VPS13B: variants seen among roughly 807,000 people sequenced by gnomAD.
The protein encoded by VPS13B is intermembrane lipid transfer protein VPS13B.
In VPS13B, 285 loss-of-function variants were observed where a neutral mutation model predicts 426.4. The ratio of observed to expected loss-of-function variants is 0.67; its 90% CI spans 0.61 to 0.74. The LOEUF (loss-of-function observed/expected upper bound fraction) is 0.74. Among genes scored for constraint, VPS13B ranks in the 30% least tolerant of loss-of-function variants. The pLI, the probability that VPS13B is intolerant of heterozygous loss-of-function variation, is 0.00. For missense variants in VPS13B, 4,537 were observed against 4,782.6 expected, an observed-to-expected ratio of 0.95 and a Z score of 1.51; for synonymous variants, 1,676 against 1,676.4, an observed-to-expected ratio of 1.00 and a Z score of 0.01.
chr8:99,473,635 TC>T, intron 24 of VPS13B, among the ~76,000 whole-genome samples: 1 of 152,120 alleles, frequency 6.6e-6, no homozygotes, highest in East Asian at 1.9e-4. Flanking sequence ...TCAATTCTAT[TC>T]TGTATCATAC....
chr8:99,629,490 C>G (rs1361150303), intron 33 of VPS13B, among the ~76,000 whole-genome samples: 3 of 152,056 alleles, frequency 2.0e-5, no homozygotes, highest in Non-Finnish European at 4.4e-5. Flanking sequence ...GTGATAGAGA[C>G]AGCTTGTTCT....
intron 4 of VPS13B, among the ~76,000 whole-genome samples, chr8:99,097,564 G>T (rs1252363556): frequency 1.3e-5 from 2 of 152,112 alleles, no homozygotes; most frequent in East Asian, 3.9e-4. Flanking sequence ...TAAAAGGAGG[G>T]AGTTGTCATG....
chr8:99,580,855 A>G (rs1408461579), intron 33 of VPS13B, among the ~76,000 whole-genome samples: 4 of 151,962 alleles, frequency 2.6e-5, no homozygotes, highest in African/African-American at 9.7e-5. Flanking sequence ...CCCTGTCTCA[A>G]AAAAATAAAA....
chr8:99,558,300 T>A (rs1276446151), intron 31 of VPS13B, among the ~76,000 whole-genome samples: 1 of 152,162 alleles, frequency 6.6e-6, no homozygotes, highest in Non-Finnish European at 1.5e-5. Context: ...TTGTACTCCT[T>A]AGGTCTTTAT....
At chr8:99,559,719 A>T (rs551014112) in intron 31 of VPS13B, among the ~76,000 whole-genome samples, 2 of 152,238 alleles carry the variant, frequency 1.3e-5, no homozygotes, top group South Asian at 4.1e-4. Flanking sequence ...ATGGTTGTAG[A>T]TACGCGGCAT....
intron 31 of VPS13B, among the ~76,000 whole-genome samples, chr8:99,567,313 A>G (rs891853101): frequency 3.3e-5 from 5 of 152,196 alleles, no homozygotes; most frequent in Admixed American, 6.5e-5. Context: ...GCTATTATCC[A>G]TTGGACATCT....
intron 15 of VPS13B, among the ~76,000 whole-genome samples, chr8:99,157,332 G>A (rs1046099357): frequency 6.6e-6 from 1 of 151,232 alleles, no homozygotes; most frequent in East Asian, 1.9e-4. Context: ...CAAGGCTTTG[G>A]TGCCATTTTT....
chr8:99,384,402 CT>C (rs1563700294), intron 20 of VPS13B, 85 bp downstream of exon 20: 1 of 1,100,902 alleles, frequency 9.1e-7, no homozygotes, highest in Non-Finnish European at 1.4e-6. Context: ...TTGATGGATT[CT>C]TTTTTAACAA....
chr8:99,155,188 C>G (rs1378722981), intron 14 of VPS13B, among the ~76,000 whole-genome samples: 1 of 151,818 alleles, frequency 6.6e-6, no homozygotes, highest in African/African-American at 2.4e-5. Flanking sequence ...GATAGCATGG[C>G]TATTTTACTA....
chr8:99,176,706 A>G (rs1327908004), intron 16 of VPS13B, among the ~76,000 whole-genome samples: 1 of 152,236 alleles, frequency 6.6e-6, no homozygotes, highest in African/African-American at 2.4e-5. Context: ...TTTTTGTGAA[A>G]TACCTTTTTA....
intron 35 of VPS13B, among the ~76,000 whole-genome samples, chr8:99,665,415 T>C (rs1301945115): frequency 6.6e-6 from 1 of 152,154 alleles, no homozygotes; most frequent in African/African-American, 2.4e-5. Context: ...CTGAATGGTA[T>C]TGCCTAGGTT....
chr8:99,736,891 C>A (rs1485684787), intron 39 of VPS13B, among the ~76,000 whole-genome samples: 1 of 151,958 alleles, frequency 6.6e-6, no homozygotes, highest in Non-Finnish European at 1.5e-5. Context: ...TGTTACCATT[C>A]TTATTTTACA....
At chr8:99,340,813 C>T (rs1005523710) in intron 19 of VPS13B, 17 of 334,894 alleles carry the variant, frequency 5.1e-5, no homozygotes, top group African/African-American at 1.6e-4. Flanking sequence ...GTGTGGCACG[C>T]GGACCGCCTC....
intron 23 of VPS13B, among the ~76,000 whole-genome samples, chr8:99,454,754 AC>A (rs1368795849): frequency 1.3e-5 from 2 of 152,170 alleles, no homozygotes; most frequent in Non-Finnish European, 2.9e-5. Flanking sequence ...ATTCCCACCA[AC>A]AATGAGTGGG....
intron 16 of VPS13B, among the ~76,000 whole-genome samples, chr8:99,183,765 A>G (rs984029926): frequency 6.6e-6 from 1 of 152,186 alleles, no homozygotes; most frequent in Non-Finnish European, 1.5e-5. Context: ...AAATGACTAT[A>G]TTGAGGTATA....
intron 19 of VPS13B, among the ~76,000 whole-genome samples, chr8:99,275,601 T>C (rs948301476): frequency 3.3e-5 from 5 of 152,180 alleles, no homozygotes; most frequent in Non-Finnish European, 7.4e-5. Context: ...AAGTTTGTCA[T>C]GTGTAAATTG....
chr8:99,747,171 T>A (rs1019535672), intron 39 of VPS13B, among the ~76,000 whole-genome samples: 1 of 152,066 alleles, frequency 6.6e-6, no homozygotes, highest in East Asian at 1.9e-4. Flanking sequence ...GGGCCAGAAC[T>A]TGGAGAGTCT....
At chr8:99,574,590 T>A (rs190715572) in intron 31 of VPS13B, among the ~76,000 whole-genome samples, 2 of 152,218 alleles carry the variant, frequency 1.3e-5, no homozygotes, top group Non-Finnish European at 2.9e-5. Context: ...TCTGTTTATA[T>A]GCTGGATTGT....
At chr8:99,084,555 A>G (rs774228854) in intron 3 of VPS13B, among the ~76,000 whole-genome samples, 1 of 152,020 alleles carries the variant, frequency 6.6e-6, no homozygotes, top group African/African-American at 2.4e-5. Flanking sequence ...TAGGGTGTCA[A>G]TTTTAGATCT....
Sources: allele counts gnomAD v4.1 joint callset (sites outside exome capture counted in the v4.1 genomes callset), GRCh38; gene constraint gnomAD v4.1.1; transcripts MANE v1.5; gene names NCBI Gene and HGNC (gene_info 2026-07-23, HGNC 2026-07-21).